Variants in GFI1B observed in about 807,000 individuals in gnomAD.
GFI1B encodes zinc finger protein Gfi-1b.
In GFI1B, 20 loss-of-function variants were observed where a neutral mutation model predicts 35.3. The observed-to-expected ratio is 0.57, with a 90% CI of 0.40 to 0.82. The LOEUF (loss-of-function observed/expected upper bound fraction) is 0.82. GFI1B is among the 40% of genes least tolerant of loss of function. The pLI, the probability that GFI1B is intolerant of heterozygous loss-of-function variation, is 0.00. For synonymous variants in GFI1B, 178 were observed against 177.6 expected, an observed-to-expected ratio of 1.00 and a Z score of -0.02; for missense variants, 430 against 446.3, an observed-to-expected ratio of 0.96 and a Z score of 0.33.
intron 1 of GFI1B, among the ~76,000 whole-genome samples, chr9:132,985,735 C>A (rs1019333780): frequency 1.3e-5 from 2 of 152,238 alleles, no homozygotes; most frequent in African/African-American, 4.8e-5. Context: ...TGGACATCCC[C>A]ACTTACAGCA....
chr9:132,978,058 G>A (rs1042739246), upstream of GFI1B, among the ~76,000 whole-genome samples: 47 of 148,318 alleles, frequency 3.2e-4, no homozygotes, highest in African/African-American at 1.1e-3. Context: ...TAGGGGCATT[G>A]CACCAGCCTG....
intron 1 of GFI1B, chr9:132,945,747 C>T (rs1188277853): frequency 6.7e-6 from 1 of 149,890 alleles, no homozygotes; most frequent in Non-Finnish European, 1.5e-5. Flanking sequence ...ACCATTAAAA[C>T]CGCGATGACT....
intron 1 of GFI1B, among the ~76,000 whole-genome samples, chr9:132,984,173 G>A (rs1442002964): frequency 2.0e-5 from 3 of 152,156 alleles, no homozygotes; most frequent in Non-Finnish European, 2.9e-5. Context: ...ACCCTCACAG[G>A]CCCCCTCAAA....
At chr9:132,948,912 C>T (rs1199019630) in intron 1 of GFI1B, among the ~76,000 whole-genome samples, 1 of 152,258 alleles carries the variant, frequency 6.6e-6, no homozygotes, top group African/African-American at 2.4e-5. Context: ...CCTCTCCCTC[C>T]TCTTGGATTT....
In GFI1B at chr9:132,988,482, G is replaced by T. The variant is rs1265674196; in HGVS notation, c.510+14G>T. On this transcript the variant is annotated intron_variant, in intron 4 of 6. Transcript: ENST00000372122. ...AAGTGCAACAAGGTGGGCAGCGGGG[G>T]GTGTGGTGGGCACCTGGGCCCTCCT... is the stretch of plus-strand genomic sequence containing the variant. The T allele has an allele frequency of 1.9e-6, 3 of 1,611,392 alleles. No homozygotes were observed. The highest frequency in any genetic ancestry group is 2.7e-5 in the African/African-American group (2 of 74,900).
chr9:132,955,194 C>A (rs555420812), intron 1 of GFI1B, among the ~76,000 whole-genome samples: 82 of 152,168 alleles, frequency 5.4e-4, no homozygotes, highest in African/African-American at 1.9e-3. Flanking sequence ...GCAATAAATT[C>A]TCTTGACCTT....
chr9:132,965,744 G>A (rs139882467), intron 1 of GFI1B, among the ~76,000 whole-genome samples: 11 of 152,276 alleles, frequency 7.2e-5, no homozygotes, highest in Admixed American at 2.6e-4. Flanking sequence ...GTCATCCCTC[G>A]GAGACTCCAG....
chr9:132,952,689 C>T (rs1208054444), intron 1 of GFI1B: 1 of 152,172 alleles, frequency 6.6e-6, no homozygotes, highest in Non-Finnish European at 1.5e-5. Context: ...ACTATGTCAA[C>T]CAGTAGTGGT....
intron 1 of GFI1B, chr9:132,951,424 CTCT>C (rs1281294739): frequency 6.6e-6 from 1 of 152,310 alleles, no homozygotes; most frequent in Non-Finnish European, 1.5e-5. Flanking sequence ...GGCCCGAGAA[CTCT>C]TCATCGACCT....
At chr9:132,951,981 C>T (rs1375963402) in intron 1 of GFI1B, 1 of 152,122 alleles carries the variant, frequency 6.6e-6, no homozygotes, top group Non-Finnish European at 1.5e-5. Flanking sequence ...GTTGCCCAGG[C>T]TGGTCTTGAA....
downstream of GFI1B, among the ~76,000 whole-genome samples, chr9:132,993,064 C>A (rs1373753648): frequency 6.6e-6 from 1 of 151,984 alleles, no homozygotes; most frequent in Admixed American, 6.6e-5. Flanking sequence ...GAGGCTGAGG[C>A]GGGCAGATCA....
At chr9:132,960,846 C>T (rs1264971184) in intron 1 of GFI1B, among the ~76,000 whole-genome samples, 1 of 151,802 alleles carries the variant, frequency 6.6e-6, no homozygotes, top group Non-Finnish European at 1.5e-5. Context: ...CTTGGGTAGG[C>T]CACCTCCTCT....
intron 1 of GFI1B, among the ~76,000 whole-genome samples, chr9:132,950,507 C>G (rs1848184572): frequency 6.7e-6 from 1 of 149,868 alleles, no homozygotes; most frequent in Non-Finnish European, 1.5e-5. Flanking sequence ...GGTCAAAAGA[C>G]AGGAACAGGC....
intron 1 of GFI1B, among the ~76,000 whole-genome samples, chr9:132,984,308 G>C (rs1442475270): frequency 6.6e-6 from 1 of 152,116 alleles, no homozygotes; most frequent in Non-Finnish European, 1.5e-5. Context: ...AAGCGGGAAG[G>C]AAGGGGGGTG....
intron 1 of GFI1B, among the ~76,000 whole-genome samples, chr9:132,984,385 C>T (rs1264547074): frequency 1.3e-5 from 2 of 152,118 alleles, no homozygotes; most frequent in African/African-American, 2.4e-5. Context: ...GAGATAAGGC[C>T]GTGGGCTGCC....
chr9:132,962,248 G>A (rs533262649), intron 1 of GFI1B, among the ~76,000 whole-genome samples: 25 of 149,212 alleles, frequency 1.7e-4, no homozygotes, highest in African/African-American at 5.4e-4. Context: ...AGCAGTTCTC[G>A]TGGCTAAGCC....
intron 2 of GFI1B, 135 bp from the exon 3 acceptor site, chr9:132,987,147 T>C (rs1011870037): frequency 2.5e-5 from 25 of 980,842 alleles, no homozygotes; most frequent in Non-Finnish European, 3.8e-5. Context: ...AGCCCGGGAG[T>C]GTGAGCCGCC....
At chr9:132,966,672 G>A (rs1041726495) in intron 1 of GFI1B, among the ~76,000 whole-genome samples, 6 of 152,320 alleles carry the variant, frequency 3.9e-5, no homozygotes, top group East Asian at 1.9e-4. Flanking sequence ...TTTGCTTGGC[G>A]ACAAAGTCCT....
intron 1 of GFI1B, among the ~76,000 whole-genome samples, chr9:132,984,386 G>A (rs905862143): frequency 2.0e-5 from 3 of 152,168 alleles, no homozygotes; most frequent in Non-Finnish European, 2.9e-5. Flanking sequence ...AGATAAGGCC[G>A]TGGGCTGCCC....
Sources: gnomAD v4.1 joint callset for allele counts (sites outside exome capture counted in the v4.1 genomes callset) on GRCh38, gnomAD v4.1.1 for gene constraint, MANE v1.5 for transcripts, NCBI Gene and HGNC (gene_info 2026-07-23, HGNC 2026-07-21) for gene names.